NEBL: variants seen among roughly 807,000 people sequenced by gnomAD.
NEBL encodes the protein nebulette.
Under a neutral mutation model 140.2 loss-of-function variants are expected in NEBL, and 122 were observed. The observed-to-expected ratio is 0.87, with a 90% confidence interval of 0.75 to 1.01. The LOEUF is 1.01. NEBL is among the 50% of genes least tolerant of loss of function. The probability of loss-of-function intolerance (pLI) is 0.00; values close to 1 mark genes in which losing one functional copy is unlikely to be tolerated. For missense variants in NEBL, 1,365 were observed against 1,231.3 expected (o/e 1.11, Z -1.62); for synonymous variants, 436 against 398.9 (o/e 1.09, Z -1.11).
chr10:21,138,619 A>C (rs1477998267), intron 2 of NEBL, among the ~76,000 whole-genome samples: 1 of 152,154 alleles, frequency 6.6e-6, no homozygotes, highest in East Asian at 1.9e-4. Flanking sequence ...TTTTAAAAAA[A>C]CTATACTCCA....
chr10:20,817,705 A>C lies in NEBL; in HGVS notation c.2056-13T>G, dbSNP rs727504473. Reference sequence around the variant, plus strand: ...CCTTATATTTTACCTAAGAAGGATAAATAAGAACTTTAACAGATAGCACAA... The same window carrying C: ...CCTTATATTTTACCTAAGAAGGATACATAAGAACTTTAACAGATAGCACAA... On this transcript the variant is annotated splice_polypyrimidine_tract_variant and intron_variant, in intron 20 of 27. Transcript: ENST00000377122. 1.9e-6 allele frequency: 3 copies of C among 1,589,896 alleles called. No homozygotes were observed. Among genetic ancestry groups the C allele is most frequent in the Non-Finnish European group, 2.6e-6 (3 of 1,158,122 alleles).
chr10:20,882,566 G>A (rs1215883985), intron 4 of NEBL, among the ~76,000 whole-genome samples: 1 of 152,144 alleles, frequency 6.6e-6, no homozygotes, highest in African/African-American at 2.4e-5. Context: ...TGCAATAAAT[G>A]TTTAGTGAAC....
chr10:20,793,120 T>G (rs12355975), intron 26 of NEBL, among the ~76,000 whole-genome samples: 2 of 152,130 alleles, frequency 1.3e-5, no homozygotes, highest in African/African-American at 4.8e-5. Flanking sequence ...GATTTTAGTT[T>G]GCAGATTCTT....
At chr10:20,809,753 T>G in intron 25 of NEBL, 53 bp downstream of exon 25, 1 of 1,366,162 alleles carries the variant, frequency 7.3e-7, no homozygotes, top group South Asian at 1.2e-5. Flanking sequence ...TCACAGTGGT[T>G]CACTTTTGGG....
intron 2 of NEBL, among the ~76,000 whole-genome samples, chr10:21,067,160 A>G (rs925419869): frequency 2.6e-5 from 4 of 151,764 alleles, no homozygotes; most frequent in Admixed American, 6.6e-5. Flanking sequence ...TATAGTAGAG[A>G]TGGGGTTTCA....
intron 7 of NEBL, among the ~76,000 whole-genome samples, chr10:20,862,526 A>G (rs927499833): frequency 2.6e-5 from 4 of 152,316 alleles, no homozygotes; most frequent in African/African-American, 9.6e-5. Flanking sequence ...CGCCAACTAC[A>G]CAGACACACT....
Position 20,784,206 on chromosome 10 carries a change from T to C in NEBL, c.*1541A>G, listed in dbSNP as rs1835213184. The C allele has an allele frequency of 6.6e-6, 1 of 152,174 alleles. No individual in the cohort carries two copies. The highest frequency in any genetic ancestry group is 1.5e-5 in the Non-Finnish European group (1 of 68,042). 9.4% of individuals were successfully genotyped at this position (152,174 alleles called of 1,614,324 possible). On this transcript the variant is annotated 3_prime_UTR_variant, in exon 28 of 28. Coordinates refer to ENST00000377122, the MANE Select transcript of NEBL (RefSeq NM_006393.3). Reference sequence around the variant, plus strand: ...TGCTTTTTCGGTTTTGTCATAGCTGTGAAGTCAGACCCTAAGTGAATGCCA... The same window carrying C: ...TGCTTTTTCGGTTTTGTCATAGCTGCGAAGTCAGACCCTAAGTGAATGCCA...
At chr10:21,214,536 T>C (rs970527122) in intron 3 of NEBL, among the ~76,000 whole-genome samples, 101 of 149,056 alleles carry the variant, frequency 6.8e-4, no homozygotes, top group African/African-American at 2.3e-3. Flanking sequence ...TACACACACA[T>C]ACACACATGC....
intron 2 of NEBL, among the ~76,000 whole-genome samples, chr10:21,142,082 T>G (rs940436637): frequency 6.6e-6 from 1 of 152,122 alleles, no homozygotes; most frequent in Non-Finnish European, 1.5e-5. Context: ...AAAGACCTCA[T>G]TCAGTGGCAA....
chr10:20,904,196 A>G (rs1847994684), intron 4 of NEBL, among the ~76,000 whole-genome samples: 1 of 152,180 alleles, frequency 6.6e-6, no homozygotes, highest in Non-Finnish European at 1.5e-5. Flanking sequence ...ACCATAGATA[A>G]GGGAGCATTA....
In NEBL at chr10:21,202,395, C is replaced by T. The variant is rs149754412; in HGVS notation, n.349-29918G>A. Among the ~76,000 whole-genome samples, 579 of 151,812 alleles carry T rather than the reference C, an allele frequency of 3.8e-3. 3 individuals are homozygous for T. Among genetic ancestry groups the T allele is most frequent in the African/African-American group, 0.013 (552 of 41,408 alleles). On this transcript the variant is annotated intron_variant and non_coding_transcript_variant, in intron 3 of 8. Coordinates refer to the NEBL transcript ENST00000675702. ...ACCTGCGTTCTAGAAATACACATAA[C>T]AGAACCACTGATAGAAGCTTGGACA... is the stretch of plus-strand genomic sequence containing the variant.
intron 8 of NEBL, 29 bp downstream of exon 8, chr10:20,859,684 A>C (rs1404963601): frequency 5.8e-6 from 8 of 1,389,840 alleles, no homozygotes; most frequent in Non-Finnish European, 8.2e-6. Flanking sequence ...AAAGATTTTG[A>C]AAATAATTTT....
intron 3 of NEBL, chr10:21,217,811 G>A (rs904191690): frequency 6.6e-6 from 1 of 152,324 alleles, no homozygotes; most frequent in African/African-American, 2.4e-5. Flanking sequence ...TTGGCACAAA[G>A]ATGATTCAAA....
chr10:21,128,397 TCA>T (rs529934811), intron 2 of NEBL, among the ~76,000 whole-genome samples: 18 of 152,102 alleles, frequency 1.2e-4, no homozygotes, highest in Admixed American at 9.8e-4. Context: ...ACCAAAAATG[TCA>T]CACACACACC....
chr10:21,196,293 C>A (rs1478551765), intron 3 of NEBL, among the ~76,000 whole-genome samples: 1 of 150,384 alleles, frequency 6.6e-6, no homozygotes, highest in African/African-American at 2.4e-5. Flanking sequence ...TGAGCCACCA[C>A]GCCGGGCCTA....
At chr10:20,846,015 C>G (rs1841903029) in intron 11 of NEBL, among the ~76,000 whole-genome samples, 1 of 152,038 alleles carries the variant, frequency 6.6e-6, no homozygotes, top group Non-Finnish European at 1.5e-5. Context: ...GAGTTCACAA[C>G]AAGAAATGAA....
At chr10:21,097,685 T>C (rs1320232270) in intron 2 of NEBL, among the ~76,000 whole-genome samples, 1 of 152,120 alleles carries the variant, frequency 6.6e-6, no homozygotes, top group African/African-American at 2.4e-5. Context: ...CCAAGAGAAG[T>C]GTAAACAGAA....
chr10:20,844,513 TA>T lies in NEBL; in HGVS notation c.1227+744del, dbSNP rs59118016. Among the ~76,000 whole-genome samples the T allele has an allele frequency of 3.0e-3, 422 of 138,782 alleles. 1 individual carries two copies. In the East Asian group the frequency reaches 0.032, roughly 11 times the overall value. The allele number at this position is 138,782 out of a possible 152,430, so 91.0% of individuals were successfully genotyped here. ...CTACTTTTTGACCATTTAAAAAACA[TA>T]AAAAAAAAAAAGCTTTTAAAGGTGG... On this transcript the variant is annotated intron_variant, in intron 12 of 27. Coordinates refer to ENST00000377122, the MANE Select transcript of NEBL (RefSeq NM_006393.3).
At chr10:21,099,813 C>T (rs1589233062) in intron 2 of NEBL, among the ~76,000 whole-genome samples, 1 of 152,172 alleles carries the variant, frequency 6.6e-6, no homozygotes, top group Non-Finnish European at 1.5e-5. Flanking sequence ...CTGTTGCACA[C>T]TCCTCTGTTG....
Sources: allele counts gnomAD v4.1 joint callset (sites outside exome capture counted in the v4.1 genomes callset), GRCh38; gene constraint gnomAD v4.1.1; transcripts MANE v1.5; gene names NCBI Gene and HGNC (gene_info 2026-07-23, HGNC 2026-07-21).